The following BRCC3 variants were observed in gnomAD, a reference collection of about 807,000 sequenced individuals.
BRCC3 encodes lys-63-specific deubiquitinase BRCC36.
BRCC3 carries 15 observed loss-of-function variants against 28.0 expected under a neutral mutation model. The observed-to-expected ratio is 0.54, with a 90% CI of 0.36 to 0.82. BRCC3 has a LOEUF of 0.82. BRCC3 is among the 40% of genes least tolerant of loss of function. The pLI is 0.01. For synonymous variants in BRCC3, 66 were observed against 80.3 expected, an observed-to-expected ratio of 0.82 and a Z score of 0.95; for missense variants, 109 against 225.9, an observed-to-expected ratio of 0.48 and a Z score of 3.32.
chrX:155,071,913 A>G (rs946159149), intron 1 of BRCC3, among the ~76,000 whole-genome samples: 16 of 112,056 alleles, frequency 1.4e-4, no homozygotes, highest in Non-Finnish European at 2.1e-4. Flanking sequence ...TTCTCTTTAG[A>G]TCTGCGCTTT....
intron 5 of BRCC3, chrX:155,078,981 C>T (rs1466351085): frequency 2.5e-5 from 6 of 237,605 alleles, no homozygotes; most frequent in Non-Finnish European, 3.7e-5. Context: ...ATTCTGCAGA[C>T]TTAAAGATAT....
intron 3 of BRCC3, among the ~76,000 whole-genome samples, chrX:155,076,957 T>C: frequency 8.9e-6 from 1 of 112,380 alleles, no homozygotes; most frequent in African/African-American, 3.2e-5. Context: ...GATTTAAATA[T>C]TAGCATATAT....
At chrX:155,114,347 A>G (rs782664388) in intron 7 of BRCC3, among the ~76,000 whole-genome samples, 1 of 111,570 alleles carries the variant, frequency 9.0e-6, no homozygotes, top group South Asian at 3.7e-4. Flanking sequence ...AAGTGAAATA[A>G]GCTATTCACA....
rs1432144127 is a variant in BRCC3 at position 155,121,790 on chromosome X, A to G, written c.*586A>G. On this transcript the variant is annotated 3_prime_UTR_variant, in exon 11 of 11. Transcript: ENST00000330045. ...AAGCTACAGATTGAGATGAATTTGC[A>G]AACCATATATCTGATCAATTTGGAA... 6 of 111,989 alleles carry G rather than the reference A, an allele frequency of 5.4e-5. No individual in the cohort carries two copies. The highest frequency in any genetic ancestry group is 1.6e-4 in the African/African-American group (5 of 30,788). 9.2% of individuals were successfully genotyped at this position (111,989 alleles called of 1,213,427 possible). A position where few individuals can be genotyped will look rare whatever the true frequency, so the allele number is the denominator to read the frequency against.
At chrX:155,120,242 A>G in intron 10 of BRCC3, 74 bp downstream of exon 10, 1 of 788,511 alleles carries the variant, frequency 1.3e-6, no homozygotes, top group African/African-American at 2.1e-5. Context: ...CAGGCAGACA[A>G]TAGAGTAGTT....
At chrX:155,089,186 TAA>T in intron 5 of BRCC3, 75 bp from the exon 6 acceptor site, 1 of 682,772 alleles carries the variant, frequency 1.5e-6, no homozygotes, top group Non-Finnish European at 2.2e-6. Flanking sequence ...TTTAAATCTT[TAA>T]GTCAATCTTT....
intron 5 of BRCC3, among the ~76,000 whole-genome samples, chrX:155,085,636 G>A (rs782317225): frequency 8.9e-6 from 1 of 112,647 alleles, no homozygotes; most frequent in South Asian, 3.7e-4. Context: ...ATCCTGAAGA[G>A]TTTGGTTACA....
intron 7 of BRCC3, among the ~76,000 whole-genome samples, chrX:155,106,811 T>C (rs1242491928): frequency 8.9e-6 from 1 of 112,245 alleles, no homozygotes; most frequent in Non-Finnish European, 1.9e-5. Context: ...GTTTCTCCTC[T>C]GGGAATTTAT....
rs1349840623 is a variant in BRCC3, at chrX:155,121,782, G to C, written c.*578G>C. On this transcript the variant is annotated 3_prime_UTR_variant, in exon 11 of 11. Transcript: ENST00000330045. ...GAAAAGATAAGCTACAGATTGAGAT[G>C]AATTTGCAAACCATATATCTGATCA... 1 of 111,804 alleles carries C rather than the reference G, an allele frequency of 8.9e-6. No individual in the cohort carries two copies. Among genetic ancestry groups the C allele is most frequent in the Non-Finnish European group, 1.9e-5 (1 of 53,213 alleles). 9.2% of individuals were successfully genotyped at this position (111,804 alleles called of 1,213,427 possible).
intron 5 of BRCC3, 131 bp downstream of exon 5, chrX:155,078,834 T>C (rs1466828131): frequency 1.2e-5 from 5 of 422,694 alleles, no homozygotes; most frequent in Non-Finnish European, 2.1e-5. Context: ...TATTTTGATT[T>C]ATTTTATTAT....
intron 7 of BRCC3, among the ~76,000 whole-genome samples, chrX:155,110,445 A>G (rs1357533525): frequency 9.0e-6 from 1 of 111,248 alleles, no homozygotes; most frequent in African/African-American, 3.3e-5. Flanking sequence ...TTTTCTAGGA[A>G]TTTATCCTAG....
intron 9 of BRCC3, among the ~76,000 whole-genome samples, chrX:155,117,885 A>T: frequency 8.9e-6 from 1 of 112,113 alleles, no homozygotes; most frequent in Non-Finnish European, 1.9e-5. Flanking sequence ...AACAAAAGAG[A>T]CAGTTTTAAC....
At position 155,083,056 on chromosome X, in the gene BRCC3, C is replaced by T. The variant is rs955672702; in HGVS notation, c.403+4353C>T. ...TGTCAGCGTCTCCCATCTGGACGTG[C>T]GTGATTTCTCTGCCTCAAACTAACA... is the stretch of plus-strand genomic sequence containing the variant. On this transcript the variant is annotated intron_variant, in intron 5 of 10. Transcript: ENST00000330045. 8.9e-5 allele frequency among the ~76,000 whole-genome samples: 10 copies of T among 112,159 alleles called. 1 individual carries two copies. The South Asian group carries it at 1.1e-3, about 12-fold the overall frequency.
chrX:155,107,331 T>A (rs949865556), intron 7 of BRCC3, among the ~76,000 whole-genome samples: 2 of 110,343 alleles, frequency 1.8e-5, no homozygotes, highest in Non-Finnish European at 3.8e-5. Flanking sequence ...TTTTTTTTTT[T>A]AAAAGTTCTT....
chrX:155,081,145 A>G (rs782192895), intron 5 of BRCC3, among the ~76,000 whole-genome samples: 9 of 110,712 alleles, frequency 8.1e-5, no homozygotes, highest in Admixed American at 1.9e-4. Context: ...CACCTGGCCA[A>G]CAAGGTGAAA....
rs782761266 is a variant in BRCC3, at chrX:155,122,178, A to C, written c.*974A>C. Reference sequence around the variant, plus strand: ...AACAATAAAAACAAACAGTCCAATTAGAAAATGGGCAAAAGACATGAATAG... The same window carrying C: ...AACAATAAAAACAAACAGTCCAATTCGAAAATGGGCAAAAGACATGAATAG... On this transcript the variant is annotated 3_prime_UTR_variant, in exon 11 of 11. Transcript: ENST00000330045. 1.8e-5 allele frequency: 2 copies of C among 110,794 alleles called. No individual in the cohort carries two copies. Among genetic ancestry groups the C allele is most frequent in the East Asian group, 2.8e-4 (1 of 3,548 alleles). The allele number at this position is 110,794 out of a possible 1,213,427, so 9.1% of individuals were successfully genotyped here. A position where few individuals can be genotyped will look rare whatever the true frequency, so the allele number is the denominator to read the frequency against.
chrX:155,099,184 TG>T (rs782445331), intron 7 of BRCC3: 244 of 660,599 alleles, frequency 3.7e-4, no homozygotes, highest in Admixed American at 1.2e-3. Flanking sequence ...AAATTAGAAA[TG>T]TTTTTTTTTT....
chrX:155,092,060 A>T (rs2124270973), intron 7 of BRCC3, among the ~76,000 whole-genome samples: 1 of 111,884 alleles, frequency 8.9e-6, no homozygotes, highest in Admixed American at 9.4e-5. Flanking sequence ...CTTTCTCCTT[A>T]TTTTCCTTTT....
rs2074390608 is a variant in BRCC3, at chrX:155,121,983, A to G, written c.*779A>G. ...TCTCTACAAAAAGTTTTTTTAAAAA[A>G]TTAACTGGGCACCATGACACACACC... On this transcript the variant is annotated 3_prime_UTR_variant, in exon 11 of 11. Coordinates refer to ENST00000330045, the MANE Select transcript of BRCC3 (RefSeq NM_001018055.3). 1 of 110,805 alleles carries G rather than the reference A, an allele frequency of 9.0e-6. No individual in the cohort carries two copies. Among genetic ancestry groups the G allele is most frequent in the African/African-American group, 3.3e-5 (1 of 30,374 alleles). 9.1% of individuals were successfully genotyped at this position (110,805 alleles called of 1,213,427 possible).
Sources: allele counts gnomAD v4.1 joint callset (sites outside exome capture counted in the v4.1 genomes callset), GRCh38; gene constraint gnomAD v4.1.1; transcripts MANE v1.5; gene names NCBI Gene and HGNC (gene_info 2026-07-23, HGNC 2026-07-21).